The following ADAMTS15 variants were observed in gnomAD, a reference collection of about 807,000 sequenced individuals.
ADAMTS15 encodes the protein ADAM metallopeptidase with thrombospondin type 1 motif 15.
Under a neutral mutation model 79.1 loss-of-function variants are expected in ADAMTS15, and 35 were observed. The observed-to-expected ratio is 0.44, with a 90% CI of 0.34 to 0.59. The LOEUF (loss-of-function observed/expected upper bound fraction) is 0.59. ADAMTS15 is among the 20% of genes least tolerant of loss of function. ADAMTS15 has a pLI of 0.02. For missense variants in ADAMTS15, 1,324 were observed against 1,318.7 expected (o/e 1.00, Z -0.06); for synonymous variants, 616 against 567.3 (o/e 1.09, Z -1.22).
Position 130,476,353 on chromosome 11 carries a change from A to G in ADAMTS15, c.*2532A>G, listed in dbSNP as rs1761936962. On this transcript the variant is annotated 3_prime_UTR_variant, in exon 8 of 8. Coordinates refer to ENST00000299164, the MANE Select transcript of ADAMTS15 (RefSeq NM_139055.4). The stretch of plus-strand genomic sequence containing the variant: ...CTGATTGGAGGAGTCTGGCCCAAAC[A>G]CTCTCATATGAACCTCGACATGCTG... 1 of 151,952 alleles carries G rather than the reference A, an allele frequency of 6.6e-6. No homozygotes were observed. The highest frequency in any genetic ancestry group is 2.4e-5 in the African/African-American group (1 of 41,312). The allele number at this position is 151,952 out of a possible 1,614,324, so 9.4% of individuals were successfully genotyped here. A position where few individuals can be genotyped will look rare whatever the true frequency, so the allele number is the denominator to read the frequency against.
chr11:130,453,793 T>G (rs933601098), intron 1 of ADAMTS15, among the ~76,000 whole-genome samples: 5 of 152,194 alleles, frequency 3.3e-5, no homozygotes, highest in African/African-American at 1.2e-4. Flanking sequence ...TATATTCAAG[T>G]TATTTTTCTT....
At position 130,449,818 on chromosome 11, in the gene ADAMTS15, C is replaced by G; in HGVS notation, c.845C>G (p.Thr282Ser). ...LRDRDSGPKV[T>S]GNAALTLRNF... ...GATCGTGACTCCGGGCCCAAGGTCA[C>G]CGGCAATGCGGCCCTGACGCTGCGC... The change falls in exon 1 of 8, where the codon ACC (threonine) becomes AGC (serine). Residue 282 changes from threonine (T) to serine (S), a missense_variant. By Grantham distance (58) the Thr-to-Ser change is moderately conservative. Coordinates refer to ENST00000299164, the MANE Select transcript of ADAMTS15 (RefSeq NM_139055.4). The surrounding 1 kb of genome is among the most constrained non-coding windows in gnomAD (Gnocchi z 7.8). 1 of 1,610,694 alleles carries G rather than the reference C, an allele frequency of 6.2e-7. No individual in the cohort carries two copies. The highest frequency in any genetic ancestry group is 8.5e-7 in the Non-Finnish European group (1 of 1,180,026).
rs781192586 is a variant in ADAMTS15 at position 130,469,384 on chromosome 11, C to T, written c.1665C>T (p.Cys555=). Residue 555 remains cysteine, a synonymous_variant, in exon 5 of 8, where the codon TGC becomes TGT. Transcript: ENST00000299164. ...CCCCTGCCAACGGGGGCAAGTACTG[C>T]GAGGGAGTGAGGGTGAAATACCGAT... ...NPTPANGGKY[C]EGVRVKYRSC... The T allele has an allele frequency of 3.2e-5, 44 of 1,355,598 alleles. No homozygotes were observed. Among genetic ancestry groups the T allele is most frequent in the African/African-American group, 3.0e-4 (20 of 66,596 alleles). 84.0% of individuals were successfully genotyped at this position (1,355,598 alleles called of 1,614,324 possible). A position where few individuals can be genotyped will look rare whatever the true frequency, so the allele number is the denominator to read the frequency against.
intron 5 of ADAMTS15, among the ~76,000 whole-genome samples, chr11:130,470,549 A>G (rs542031211): frequency 4.5e-4 from 69 of 152,260 alleles, no homozygotes; most frequent in Middle Eastern, 3.4e-3. Flanking sequence ...ACAAAAAAGC[A>G]TGTATATCAC....
At chr11:130,464,596 C>CCCTTCCCATCATG (rs954777709) in intron 4 of ADAMTS15, among the ~76,000 whole-genome samples, 1 of 152,136 alleles carries the variant, frequency 6.6e-6, no homozygotes, top group Non-Finnish European at 1.5e-5. Context: ...TCATGCCTCA[C>CCCTTCCCATCATG]CCTTCCCATC....
At position 130,461,502 on chromosome 11, in the gene ADAMTS15, C is replaced by G; in HGVS notation, c.971C>G (p.Ala324Gly). The G allele has an allele frequency of 1.2e-6, 2 of 1,614,136 alleles. No individual in the cohort carries two copies. Among genetic ancestry groups the G allele is most frequent in the Non-Finnish European group, 1.7e-6 (2 of 1,180,030 alleles). The change falls in exon 2 of 8, where the codon GCC (alanine) becomes GGC (glycine). Residue 324 changes from alanine to glycine, a missense_variant. Physicochemically the swap from Ala to Gly is moderately conservative, Grantham distance 60. Coordinates refer to ENST00000299164, the MANE Select transcript of ADAMTS15 (RefSeq NM_139055.4). ...CCCACCCGGCAGGACCTGTGTGGAG[C>G]CACCACCTGTGACACCCTGGGCATG... ...ILFTRQDLCGATTCDTLGMAD... is the reference protein window; with the variant it reads ...ILFTRQDLCGGTTCDTLGMAD...
intron 4 of ADAMTS15, among the ~76,000 whole-genome samples, chr11:130,466,674 G>A (rs1938307034): frequency 6.6e-6 from 1 of 152,182 alleles, no homozygotes; most frequent in African/African-American, 2.4e-5. Flanking sequence ...ACTCCTTACA[G>A]ATGATTCCCG....
Position 130,470,178 on chromosome 11 carries a change from ATATGTG to A in ADAMTS15, c.1721-740_1721-735del, listed in dbSNP as rs1202649334. ...TGTATATATATATATATATATATAT[ATATGTG>A]TGTATATATATATATATATATATAT... On this transcript the variant is annotated intron_variant, in intron 5 of 7. Transcript: ENST00000299164. 1.3e-3 allele frequency among the ~76,000 whole-genome samples: 65 copies of A among 51,488 alleles called. 2 individuals carry two copies. The highest frequency in any genetic ancestry group is 6.7e-3 in the African/African-American group (56 of 8,390). The allele number at this position is 51,488 out of a possible 152,430, so 33.8% of individuals were successfully genotyped here.
intron 1 of ADAMTS15, among the ~76,000 whole-genome samples, chr11:130,451,399 T>TTTCTCTAGGGAGGTCTTTGGCC (rs1296772923): frequency 1.3e-5 from 2 of 152,120 alleles, no homozygotes; most frequent in African/African-American, 4.8e-5. Flanking sequence ...CACCACCTGG[T>TTTCTCTAGGGAGGTCTTTGGCC]TTCTCTAGGG....
At chr11:130,470,164 A>ATATATATGTGTG (rs1565397699) in intron 5 of ADAMTS15, among the ~76,000 whole-genome samples, 1 of 58,234 alleles carries the variant, frequency 1.7e-5, no homozygotes, top group East Asian at 3.6e-4. Flanking sequence ...GTATATATAT[A>ATATATATGTGTG]TATATATATA....
At chr11:130,451,860 G>A (rs915686929) in intron 1 of ADAMTS15, among the ~76,000 whole-genome samples, 2 of 152,160 alleles carry the variant, frequency 1.3e-5, no homozygotes, top group Non-Finnish European at 2.9e-5. Context: ...TCAACCCCCC[G>A]GGGGCTGTGT....
chr11:130,469,493 T>TC, intron 5 of ADAMTS15, 54 bp downstream of exon 5: 1 of 1,262,242 alleles, frequency 7.9e-7, no homozygotes, highest in Non-Finnish European at 1.0e-6. Context: ...AGGCTGGAGG[T>TC]CCCCCCACCC....
intron 1 of ADAMTS15, among the ~76,000 whole-genome samples, chr11:130,457,440 A>G (rs1938107765): frequency 2.0e-5 from 3 of 152,208 alleles, no homozygotes; most frequent in Non-Finnish European, 4.4e-5. Flanking sequence ...ATCCTTGTTT[A>G]TTTATTTAAG....
At chr11:130,471,169 CCTGCT>C (rs1387410238) in intron 6 of ADAMTS15, 34 bp from the exon 7 acceptor site, 2 of 1,586,222 alleles carry the variant, frequency 1.3e-6, no homozygotes, top group Non-Finnish European at 1.7e-6. Context: ...GCTGAGCTGC[CCTGCT>C]CTTCCTTCTT....
chr11:130,461,319 A>G (rs1407989854), intron 1 of ADAMTS15, among the ~76,000 whole-genome samples, 170 bp from the exon 2 acceptor site: 1 of 152,120 alleles, frequency 6.6e-6, no homozygotes, highest in African/African-American at 2.4e-5. Flanking sequence ...GATTCTGTGA[A>G]CAGCCCCACA....
At chr11:130,470,322 T>C (rs1003083648) in intron 5 of ADAMTS15, among the ~76,000 whole-genome samples, 1 of 150,634 alleles carries the variant, frequency 6.6e-6, no homozygotes, top group African/African-American at 2.5e-5. Context: ...GTTCAAGCGA[T>C]TCTCCCACCT....
chr11:130,462,822 A>G lies in ADAMTS15; in HGVS notation c.1542+42A>G, dbSNP rs1421981155. 1.3e-6 allele frequency: 2 copies of G among 1,544,908 alleles called. No homozygotes were observed. Among genetic ancestry groups the G allele is most frequent in the East Asian group, 4.6e-5 (2 of 43,898 alleles). ...GCTGCGCTCGGGGACTGCTGGGAGG[A>G]GGGATGGAGACCCGGGGGCCTCGTC... is the stretch of plus-strand genomic sequence containing the variant. On this transcript the variant is annotated intron_variant, in intron 4 of 7. Transcript: ENST00000299164. This position sits in a 1 kb window ranked among gnomAD's most constrained non-coding sequence, Gnocchi z 4.3.
At position 130,473,671 on chromosome 11, in the gene ADAMTS15, C is replaced by T; in HGVS notation, c.2703C>T (p.Ala901=). Residue 901 remains alanine (A), a synonymous_variant, in exon 8 of 8, where the codon GCC becomes GCT. Coordinates refer to ENST00000299164, the MANE Select transcript of ADAMTS15 (RefSeq NM_139055.4). ...CCTGCCCCACCTGGGAGCTCAGCGCCTGGTCACCCTGCTCCAAGAGCTGCG... is the reference window on the plus strand; with the variant it reads ...CCTGCCCCACCTGGGAGCTCAGCGCTTGGTCACCCTGCTCCAAGAGCTGCG... ...GEPCPTWELS[A]WSPCSKSCGR... 6.2e-7 allele frequency: 1 copy of T among 1,604,966 alleles called. No individual in the cohort carries two copies. Among genetic ancestry groups the T allele is most frequent in the Non-Finnish European group, 8.5e-7 (1 of 1,179,894 alleles).
At chr11:130,469,578 T>G (rs1938379705) in intron 5 of ADAMTS15, 139 bp downstream of exon 5, 1 of 659,464 alleles carries the variant, frequency 1.5e-6, no homozygotes. Flanking sequence ...AGTATTTCTA[T>G]CATGGATTCC....
Sources: gnomAD v4.1 joint callset for allele counts (sites outside exome capture counted in the v4.1 genomes callset) on GRCh38, gnomAD v4.1.1 for gene constraint, Gnocchi (gnomAD v3.1) non-coding constraint, MANE v1.5 for transcripts, NCBI Gene and HGNC (gene_info 2026-07-23, HGNC 2026-07-21) for gene names.